NAV3: variants seen among roughly 807,000 people sequenced by gnomAD.
NAV3 encodes pore membrane and/or filament interacting like protein 1.
A neutral mutation model predicts 244.7 loss-of-function variants in NAV3; 87 were observed. The ratio of observed to expected loss-of-function variants is 0.36; its 90% CI spans 0.30 to 0.42. The LOEUF (loss-of-function observed/expected upper bound fraction) is 0.42, where lower values mean the gene tolerates loss of function less well. Among genes scored for constraint, NAV3 ranks in the 20% least tolerant of loss-of-function variants. The pLI is 1.00. For missense variants in NAV3, 2,663 were observed against 2,893.3 expected, an observed-to-expected ratio of 0.92 and a Z score of 1.83; for synonymous variants, 1,126 against 1,042.2, an observed-to-expected ratio of 1.08 and a Z score of -1.55.
Position 78,175,438 on chromosome 12 carries a change from A to G in NAV3, c.5103+11A>G, listed in dbSNP as rs2139652295. 2 of 1,606,950 alleles carry G rather than the reference A, an allele frequency of 1.2e-6. No individual in the cohort carries two copies. Among genetic ancestry groups the G allele is most frequent in the Non-Finnish European group, 1.7e-6 (2 of 1,177,076 alleles). ...AAAAAGAAAAACTGGGTAAGTTACC[A>G]TCCTTCATCTAATTCAGAAGCTTAT... On this transcript the variant is annotated intron_variant, in intron 25 of 39. Coordinates refer to ENST00000397909, the MANE Select transcript of NAV3 (RefSeq NM_001024383.2).
At chr12:77,639,284 G>A (rs1299638547) in intron 2 of NAV3, among the ~76,000 whole-genome samples, 1 of 152,132 alleles carries the variant, frequency 6.6e-6, no homozygotes, top group Non-Finnish European at 1.5e-5. Flanking sequence ...AGGTGTACTT[G>A]TCTAAGTGCT....
rs1273365314 is a variant in NAV3, at chr12:78,119,879, G to A, written c.3683G>A (p.Cys1228Tyr). 6.2e-7 allele frequency: 1 copy of A among 1,614,062 alleles called. No individual in the cohort carries two copies. The highest frequency in any genetic ancestry group is 2.2e-5 in the East Asian group (1 of 44,894). Residue 1228 changes from cysteine to tyrosine, a missense_variant, in exon 15 of 40, where the codon TGT becomes TAT. Cys to Tyr is a radical substitution (Grantham distance 194, BLOSUM62 -2). Transcript: ENST00000397909. ...PKSSPTSASA[C>Y]GAQGLRQPGS... ...TCCAGCCCCACCTCTGCCAGCGCCT[G>A]TGGTGCACAAGGTCTCAGGCAGCCA...
rs369756208 is a variant in NAV3 at position 77,722,773 on chromosome 12, A to G, written c.72+150507A>G. ...TTAATCCAAATGTTTATATTATGGCATTATTGATAGAAATTTTGTCTTGTT... is the reference window on the plus strand; with the variant it reads ...TTAATCCAAATGTTTATATTATGGCGTTATTGATAGAAATTTTGTCTTGTT... On this transcript the variant is annotated intron_variant, in intron 2 of 8. Coordinates refer to the NAV3 transcript ENST00000550042. 1.1e-4 allele frequency among the ~76,000 whole-genome samples: 17 copies of G among 152,162 alleles called. 2 individuals are homozygous for G. The highest frequency in any genetic ancestry group is 9.2e-4 in the Admixed American group (14 of 15,240).
intron 5 of NAV3, among the ~76,000 whole-genome samples, chr12:77,991,646 C>A (rs1020234010): frequency 6.6e-6 from 1 of 151,986 alleles, no homozygotes; most frequent in Admixed American, 6.6e-5. Flanking sequence ...TGAGTAAAGG[C>A]ACAGAAAAAT....
rs1426785118 is a variant in NAV3, at chr12:77,968,515, A to G, written c.488-4A>G. On this transcript the variant is annotated splice_polypyrimidine_tract_variant and splice_region_variant and intron_variant, in intron 4 of 39. Transcript: ENST00000397909. ...TCTTTTTTTGTATTTTTCATTTCAT[A>G]CAGAAATAAGAAATGGAAACTTAAA... The G allele has an allele frequency of 6.2e-7, 1 of 1,607,542 alleles. No homozygotes were observed. Among genetic ancestry groups the G allele is most frequent in the African/African-American group, 1.3e-5 (1 of 74,814 alleles).
chr12:77,841,761 CAT>C (rs1875694836), intron 1 of NAV3, among the ~76,000 whole-genome samples: 1 of 152,120 alleles, frequency 6.6e-6, no homozygotes, highest in Non-Finnish European at 1.5e-5. Flanking sequence ...GTTGCTGACA[CAT>C]ATATATGGTA....
At chr12:78,117,702 C>G (rs1319119994) in intron 13 of NAV3, among the ~76,000 whole-genome samples, 1 of 151,664 alleles carries the variant, frequency 6.6e-6, no homozygotes, top group East Asian at 1.9e-4. Context: ...ATCACTGGAT[C>G]TGTTGTGAAT....
At chr12:77,661,289 G>T (rs953488707) in intron 2 of NAV3, among the ~76,000 whole-genome samples, 6 of 152,018 alleles carry the variant, frequency 3.9e-5, no homozygotes, top group South Asian at 2.1e-4. Flanking sequence ...GTGTGTAGTG[G>T]TATCTTAATT....
chr12:77,660,166 A>G (rs966603805), intron 2 of NAV3, among the ~76,000 whole-genome samples: 3 of 152,192 alleles, frequency 2.0e-5, no homozygotes, highest in African/African-American at 7.2e-5. Context: ...GATTAAATAT[A>G]TAAAATTAAT....
At chr12:77,580,219 AAC>A (rs59671759) in intron 2 of NAV3, among the ~76,000 whole-genome samples, 8,001 of 145,192 alleles carry the variant, frequency 0.055, 223 homozygotes, top group Middle Eastern at 0.079. Flanking sequence ...GTAGGGTGGG[AAC>A]ACACACACAC....
intron 1 of NAV3, among the ~76,000 whole-genome samples, chr12:77,918,645 G>A (rs879618617): frequency 2.0e-5 from 3 of 151,996 alleles, no homozygotes; most frequent in African/African-American, 4.8e-5. Flanking sequence ...AGTTTCTGGG[G>A]GGTGATATGG....
chr12:77,985,028 G>A (rs1870240972), intron 5 of NAV3, among the ~76,000 whole-genome samples: 1 of 152,178 alleles, frequency 6.6e-6, no homozygotes, highest in East Asian at 1.9e-4. Flanking sequence ...GTGTTAGCCA[G>A]GATGGTCTTA....
intron 9 of NAV3, among the ~76,000 whole-genome samples, chr12:78,038,454 T>C (rs1880293228): frequency 6.6e-6 from 1 of 152,176 alleles, no homozygotes; most frequent in Non-Finnish European, 1.5e-5. Flanking sequence ...TTACAAGATG[T>C]TTTATGAGGT....
chr12:77,862,947 A>C (rs1352624075), intron 1 of NAV3, among the ~76,000 whole-genome samples: 2 of 151,782 alleles, frequency 1.3e-5, no homozygotes, highest in Non-Finnish European at 3.0e-5. Flanking sequence ...AAAATGGAAT[A>C]AAGTGTTCCA....
chr12:77,782,280 GTCCCC>G (rs1870703933), intron 2 of NAV3, among the ~76,000 whole-genome samples: 1 of 80,460 alleles, frequency 1.2e-5, no homozygotes, highest in Non-Finnish European at 2.4e-5. Context: ...CTCCCTTCCC[GTCCCC>G]TCCCCTCCCC....
At chr12:77,588,016 A>C (rs562407707) in intron 2 of NAV3, among the ~76,000 whole-genome samples, 247 of 152,336 alleles carry the variant, frequency 1.6e-3, no homozygotes, top group African/African-American at 5.7e-3. Context: ...AATGTTTAAC[A>C]TCTTACAATT....
At chr12:77,697,262 C>G (rs756516071) in intron 2 of NAV3, among the ~76,000 whole-genome samples, 1 of 152,160 alleles carries the variant, frequency 6.6e-6, no homozygotes, top group African/African-American at 2.4e-5. Flanking sequence ...ATCCACCCCC[C>G]TCTTCCTTCT....
intron 2 of NAV3, among the ~76,000 whole-genome samples, chr12:77,692,512 A>G (rs533779445): frequency 4.6e-5 from 7 of 152,078 alleles, no homozygotes; most frequent in Non-Finnish European, 1.0e-4. Context: ...GTGCTTTACT[A>G]AGCATGGGGT....
intron 2 of NAV3, among the ~76,000 whole-genome samples, chr12:77,748,572 A>G (rs975467298): frequency 2.0e-5 from 3 of 152,206 alleles, no homozygotes; most frequent in African/African-American, 7.2e-5. Context: ...GAATAAGAAA[A>G]TCCTAACATT....
Sources: gnomAD v4.1 joint callset for allele counts (sites outside exome capture counted in the v4.1 genomes callset) on GRCh38, gnomAD v4.1.1 for gene constraint, MANE v1.5 for transcripts, NCBI Gene and HGNC (gene_info 2026-07-23, HGNC 2026-07-21) for gene names.